The following SMC5 variants were observed in gnomAD, a reference collection of about 807,000 sequenced individuals.
SMC5 encodes structural maintenance of chromosomes protein 5.
Under a neutral mutation model 148.3 loss-of-function variants are expected in SMC5, and 88 were observed. The ratio of observed to expected loss-of-function variants is 0.59; its 90% CI spans 0.50 to 0.71. The LOEUF (loss-of-function observed/expected upper bound fraction) is 0.71, where lower values mean the gene tolerates loss of function less well. Among genes scored for constraint, SMC5 ranks in the 30% least tolerant of loss-of-function variants. The probability of loss-of-function intolerance (pLI) is 0.00; values close to 1 mark genes in which losing one functional copy is unlikely to be tolerated. For synonymous variants in SMC5, 421 were observed against 432.8 expected, an observed-to-expected ratio of 0.97 and a Z score of 0.34; for missense variants, 1,142 against 1,298.9, an observed-to-expected ratio of 0.88 and a Z score of 1.86.
At chr9:70,324,986 A>C (rs566417239) in intron 17 of SMC5, among the ~76,000 whole-genome samples, 2 of 152,114 alleles carry the variant, frequency 1.3e-5, no homozygotes, top group African/African-American at 4.8e-5. Flanking sequence ...AGTGGGCCCT[A>C]CCAGGCTTCA....
chr9:70,304,291 C>T (rs1020276665), intron 10 of SMC5, among the ~76,000 whole-genome samples: 3 of 151,988 alleles, frequency 2.0e-5, no homozygotes, highest in African/African-American at 7.3e-5. Flanking sequence ...GTTTCCTGGG[C>T]TGGTCTCAAA....
intron 1 of SMC5, among the ~76,000 whole-genome samples, chr9:70,260,028 TC>T (rs2034059872): frequency 6.6e-6 from 1 of 151,720 alleles, no homozygotes. Context: ...CACTGCAACT[TC>T]CGCCTCTCGG....
chr9:70,282,643 T>C, intron 7 of SMC5, 60 bp downstream of exon 7: 1 of 1,470,350 alleles, frequency 6.8e-7, no homozygotes, highest in Non-Finnish European at 9.1e-7. Flanking sequence ...ATAAAAAATA[T>C]TTTGCAGGTG....
chr9:70,343,697 T>G (rs2036583633), intron 17 of SMC5, among the ~76,000 whole-genome samples: 1 of 152,020 alleles, frequency 6.6e-6, no homozygotes, highest in African/African-American at 2.4e-5. Flanking sequence ...ACATCTGTAA[T>G]CTCAGCTACT....
chr9:70,323,997 ACT>A, intron 16 of SMC5, 22 bp from the exon 17 acceptor site: 1 of 1,503,592 alleles, frequency 6.7e-7, no homozygotes, highest in Non-Finnish European at 8.9e-7. Context: ...ATAAAAATTA[ACT>A]CTTAGGGGTT....
At chr9:70,290,921 G>A (rs2035040202) in intron 8 of SMC5, among the ~76,000 whole-genome samples, 1 of 152,030 alleles carries the variant, frequency 6.6e-6, no homozygotes, top group African/African-American at 2.4e-5. Context: ...ACTTCCTCAG[G>A]TACTTTTTCT....
intron 8 of SMC5, among the ~76,000 whole-genome samples, chr9:70,289,030 T>TTTGTTG (rs942060955): frequency 2.6e-5 from 4 of 151,950 alleles, no homozygotes; most frequent in South Asian, 2.1e-4. Flanking sequence ...TGATTTAGTT[T>TTTGTTG]TTGTTGTTGT....
chr9:70,311,992 G>A lies in SMC5; in HGVS notation c.1579-2750G>A, dbSNP rs140611505. The A allele has an allele frequency of 4.4e-3, 670 of 151,992 alleles. 3 individuals carry two copies. The highest frequency in any genetic ancestry group is 0.013 in the African/African-American group (552 of 41,388). The allele number at this position is 151,992 out of a possible 1,614,324, so 9.4% of individuals were successfully genotyped here. ...GCCTGTATTAGCCTAGCATGGTGGC[G>A]GACACCTGTAATCCCAGCTATGCAA... On this transcript the variant is annotated intron_variant, in intron 11 of 24. Transcript: ENST00000361138.
chr9:70,337,126 G>T (rs1174130035), intron 17 of SMC5, among the ~76,000 whole-genome samples: 1 of 152,178 alleles, frequency 6.6e-6, no homozygotes, highest in South Asian at 2.1e-4. Context: ...GCCACAACAC[G>T]TGGGAATTCA....
intron 21 of SMC5, 94 bp from the exon 22 acceptor site, chr9:70,347,825 A>G: frequency 4.6e-6 from 6 of 1,307,998 alleles, no homozygotes; most frequent in Non-Finnish European, 5.3e-6. Context: ...TGTTATGCCC[A>G]GACTGATACT....
At chr9:70,317,263 A>G (rs2118592170) in intron 13 of SMC5, among the ~76,000 whole-genome samples, 1 of 152,164 alleles carries the variant, frequency 6.6e-6, no homozygotes, top group South Asian at 2.1e-4. Context: ...GTTTTCTTTT[A>G]TTATTAACTC....
intron 15 of SMC5, among the ~76,000 whole-genome samples, chr9:70,321,121 A>G (rs1346108072): frequency 6.6e-6 from 1 of 152,174 alleles, no homozygotes; most frequent in East Asian, 1.9e-4. Flanking sequence ...TATCCAAAAC[A>G]ATATGTCCCT....
At chr9:70,326,312 A>G (rs2036073630) in intron 17 of SMC5, among the ~76,000 whole-genome samples, 1 of 152,182 alleles carries the variant, frequency 6.6e-6, no homozygotes, top group South Asian at 2.1e-4. Context: ...GCTAACAGTC[A>G]TTGAATTGTA....
chr9:70,298,793 C>T (rs555101790), intron 9 of SMC5, among the ~76,000 whole-genome samples: 102 of 151,204 alleles, frequency 6.7e-4, no homozygotes, highest in African/African-American at 2.3e-3. Context: ...CCTTTTTTAC[C>T]TCCAAAGCCA....
intron 3 of SMC5, among the ~76,000 whole-genome samples, chr9:70,268,878 T>G (rs1479408011): frequency 6.6e-6 from 1 of 152,228 alleles, no homozygotes; most frequent in Admixed American, 6.5e-5. Context: ...TCTTGGCAGC[T>G]ATTTTTGATA....
intron 16 of SMC5, 93 bp from the exon 17 acceptor site, chr9:70,323,928 A>C: frequency 8.5e-7 from 1 of 1,172,156 alleles, no homozygotes; most frequent in Non-Finnish European, 1.2e-6. Context: ...TTATTTTTTC[A>C]TGGTTTATAA....
At chr9:70,341,077 T>G (rs1176869235) in intron 17 of SMC5, among the ~76,000 whole-genome samples, 1 of 151,826 alleles carries the variant, frequency 6.6e-6, no homozygotes, top group Non-Finnish European at 1.5e-5. Flanking sequence ...AGTCTGACTT[T>G]ACAGCATTAT....
In SMC5 at chr9:70,275,049, T is replaced by C. The variant is rs2034550898; in HGVS notation, c.381-2261T>C. 4.6e-5 allele frequency among the ~76,000 whole-genome samples: 7 copies of C among 152,294 alleles called. No individual in the cohort carries two copies. The South Asian group carries it at 1.4e-3, about 32-fold the overall frequency. ...GATCACTTTCTGCCAAAAGGATATT[T>C]GAAGTTTTCTTTTATGAGAGTTTTC... is the stretch of plus-strand genomic sequence containing the variant. On this transcript the variant is annotated intron_variant, in intron 3 of 24. Transcript: ENST00000361138.
chr9:70,274,275 G>T (rs184846360), intron 3 of SMC5, among the ~76,000 whole-genome samples: 2,722 of 152,204 alleles, frequency 0.018, 25 homozygotes, highest in South Asian at 0.038. Context: ...TAGAGATGGG[G>T]TTTCACCGTG....
Sources: gnomAD v4.1 joint callset for allele counts (sites outside exome capture counted in the v4.1 genomes callset) on GRCh38, gnomAD v4.1.1 for gene constraint, MANE v1.5 for transcripts, NCBI Gene and HGNC (gene_info 2026-07-23, HGNC 2026-07-21) for gene names.